ADAMTSL1: variants seen among roughly 807,000 people sequenced by gnomAD.
ADAMTSL1 encodes the protein ADAMTS like 1, also known as ADAMTS-like protein 1.
In ADAMTSL1, 126 loss-of-function variants were observed where a neutral mutation model predicts 201.8. The observed-to-expected ratio is 0.62, with a 90% CI of 0.54 to 0.72. The LOEUF (loss-of-function observed/expected upper bound fraction) is 0.72, where lower values mean the gene tolerates loss of function less well. Among genes scored for constraint, ADAMTSL1 ranks in the 30% least tolerant of loss-of-function variants. ADAMTSL1 has a pLI of 0.00. For missense variants in ADAMTSL1, 2,679 were observed against 2,277.8 expected (o/e 1.18, Z -3.59); for synonymous variants, 1,121 against 903.4 (o/e 1.24, Z -4.32).
At chr9:18,124,377 G>A (rs182612081) in intron 1 of ADAMTSL1, among the ~76,000 whole-genome samples, 32 of 152,154 alleles carry the variant, frequency 2.1e-4, no homozygotes, top group African/African-American at 5.1e-4. Flanking sequence ...CACCACACCC[G>A]ACAGCCACTT....
chr9:18,857,177 T>A (rs763574609), intron 23 of ADAMTSL1, among the ~76,000 whole-genome samples: 1 of 152,176 alleles, frequency 6.6e-6, no homozygotes, highest in Non-Finnish European at 1.5e-5. Flanking sequence ...TACAAAAGAG[T>A]TGAAAGTGGA....
intron 2 of ADAMTSL1, among the ~76,000 whole-genome samples, chr9:18,213,448 G>T (rs921457913): frequency 1.3e-5 from 2 of 152,132 alleles, no homozygotes; most frequent in African/African-American, 4.8e-5. Flanking sequence ...GTTGTTTTCC[G>T]TTAGAACTTA....
intron 2 of ADAMTSL1, among the ~76,000 whole-genome samples, chr9:18,274,443 T>C (rs1432184818): frequency 6.6e-6 from 1 of 152,154 alleles, no homozygotes; most frequent in East Asian, 1.9e-4. Flanking sequence ...TTTTCAGTTA[T>C]AGAAATTGAT....
chr9:18,394,102 C>T (rs72686885), intron 2 of ADAMTSL1, among the ~76,000 whole-genome samples: 21,397 of 152,024 alleles, frequency 0.14, 1,586 homozygotes, highest in South Asian at 0.27. Context: ...ATGATGGTTA[C>T]GCAGCGAAAG....
At position 18,615,382 on chromosome 9, in the gene ADAMTSL1, C is replaced by T. The variant is rs918009018; in HGVS notation, c.475-6861C>T. Among the ~76,000 whole-genome samples the T allele has an allele frequency of 5.3e-5, 8 of 152,322 alleles. 1 individual carries two copies. The highest frequency in any genetic ancestry group is 3.4e-3 in the Middle Eastern group (1 of 294). On this transcript the variant is annotated intron_variant, in intron 4 of 28. Transcript: ENST00000380548. ...GGCTGAGCCCCTTCCCCTTCACTTGCTATATGTGCTTCTGAGGCACAGATC... is the reference window on the plus strand; with the variant it reads ...GGCTGAGCCCCTTCCCCTTCACTTGTTATATGTGCTTCTGAGGCACAGATC...
intron 2 of ADAMTSL1, among the ~76,000 whole-genome samples, chr9:18,309,140 T>A (rs1253251812): frequency 2.0e-5 from 3 of 150,138 alleles, no homozygotes; most frequent in Non-Finnish European, 3.0e-5. Flanking sequence ...TCAACACCTA[T>A]TCATGCTAAA....
At chr9:18,587,031 T>C (rs1223042956) in intron 4 of ADAMTSL1, among the ~76,000 whole-genome samples, 1 of 151,896 alleles carries the variant, frequency 6.6e-6, no homozygotes, top group Non-Finnish European at 1.5e-5. Flanking sequence ...ATTCTGGACA[T>C]AGGAACTGGC....
At chr9:18,125,881 G>C (rs1825709687) in intron 1 of ADAMTSL1, among the ~76,000 whole-genome samples, 2 of 152,320 alleles carry the variant, frequency 1.3e-5, no homozygotes, top group South Asian at 4.1e-4. Flanking sequence ...CTGGCAGTAT[G>C]CTGAGAAAGG....
At chr9:18,290,953 T>C (rs1833234778) in intron 2 of ADAMTSL1, among the ~76,000 whole-genome samples, 2 of 152,000 alleles carry the variant, frequency 1.3e-5, no homozygotes, top group African/African-American at 4.8e-5. Flanking sequence ...GGCTAATTTT[T>C]TGTATATTTA....
intron 1 of ADAMTSL1, among the ~76,000 whole-genome samples, chr9:18,095,872 C>G (rs1324321408): frequency 6.6e-6 from 1 of 152,196 alleles, no homozygotes; most frequent in Non-Finnish European, 1.5e-5. Flanking sequence ...TGAGAGTCAG[C>G]AATGCCTACT....
intron 9 of ADAMTSL1, among the ~76,000 whole-genome samples, chr9:18,672,186 G>GTT (rs35461401): frequency 1.3e-4 from 18 of 143,654 alleles, no homozygotes; most frequent in Admixed American, 2.1e-4. Context: ...ATTTTGGCTT[G>GTT]TTTTTTTTTT....
At chr9:18,388,825 C>T (rs954610119) in intron 2 of ADAMTSL1, among the ~76,000 whole-genome samples, 1 of 151,780 alleles carries the variant, frequency 6.6e-6, no homozygotes, top group Admixed American at 6.6e-5. Flanking sequence ...AGTGCCCTCT[C>T]GGCTCACTGC....
At chr9:18,747,011 G>T (rs1484596303) in intron 15 of ADAMTSL1, among the ~76,000 whole-genome samples, 2 of 152,124 alleles carry the variant, frequency 1.3e-5, no homozygotes, top group East Asian at 1.9e-4. Flanking sequence ...TGGTATCAGT[G>T]TGTTTGTTTC....
intron 1 of ADAMTSL1, among the ~76,000 whole-genome samples, chr9:17,943,644 G>A (rs941008585): frequency 6.6e-6 from 1 of 152,086 alleles, no homozygotes; most frequent in Non-Finnish European, 1.5e-5. Flanking sequence ...AAGCTCTTCA[G>A]TTCCTTTCCC....
chr9:18,250,818 G>A (rs1375388007), intron 2 of ADAMTSL1, among the ~76,000 whole-genome samples: 1 of 152,108 alleles, frequency 6.6e-6, no homozygotes, highest in African/African-American at 2.4e-5. Context: ...CTTGCAGATG[G>A]TAAGAGAAGA....
chr9:18,331,258 G>A (rs1183362652), intron 2 of ADAMTSL1, among the ~76,000 whole-genome samples: 1 of 152,184 alleles, frequency 6.6e-6, no homozygotes, highest in African/African-American at 2.4e-5. Flanking sequence ...TGACAGAAAG[G>A]TCTTTGATGC....
At chr9:18,403,303 C>A (rs1464928885) in intron 2 of ADAMTSL1, among the ~76,000 whole-genome samples, 2 of 152,104 alleles carry the variant, frequency 1.3e-5, no homozygotes, top group Non-Finnish European at 2.9e-5. Flanking sequence ...CTTGCCTCAG[C>A]CTCCAGAGTA....
intron 1 of ADAMTSL1, among the ~76,000 whole-genome samples, chr9:17,914,342 C>T (rs1256069185): frequency 6.6e-6 from 1 of 152,140 alleles, no homozygotes; most frequent in Non-Finnish European, 1.5e-5. Flanking sequence ...TGGGTTTCAT[C>T]CCTGGGATGC....
intron 1 of ADAMTSL1, among the ~76,000 whole-genome samples, chr9:18,019,747 C>G (rs1820404466): frequency 6.6e-6 from 1 of 152,058 alleles, no homozygotes; most frequent in Non-Finnish European, 1.5e-5. Flanking sequence ...GAAGAAAGGT[C>G]TTTGGAATCT....
Sources: allele counts gnomAD v4.1 joint callset (sites outside exome capture counted in the v4.1 genomes callset), GRCh38; gene constraint gnomAD v4.1.1; transcripts MANE v1.5; gene names NCBI Gene and HGNC (gene_info 2026-07-23, HGNC 2026-07-21).